Variants in ALG5 observed in about 807,000 individuals in gnomAD.
The protein encoded by ALG5 is dolichyl-phosphate beta-glucosyltransferase.
In ALG5, 26 loss-of-function variants were observed where a neutral mutation model predicts 51.8. The ratio of observed to expected loss-of-function variants is 0.50; its 90% CI spans 0.37 to 0.70. ALG5 has a LOEUF of 0.70. Among genes scored for constraint, ALG5 ranks in the 30% least tolerant of loss-of-function variants. The pLI is 0.00. For synonymous variants in ALG5, 141 were observed against 136.1 expected (o/e 1.04, Z -0.25); for missense variants, 311 against 399.3 (o/e 0.78, Z 1.88).
At chr13:36,993,567 T>C (rs747956559) in intron 4 of ALG5, 37 bp downstream of exon 4, 1 of 1,562,694 alleles carries the variant, frequency 6.4e-7, no homozygotes, top group South Asian at 1.1e-5. Context: ...TTCTCTATTT[T>C]CTAACTATTG....
At chr13:36,974,574 G>A (rs1449592963) in intron 6 of ALG5, among the ~76,000 whole-genome samples, 1 of 151,830 alleles carries the variant, frequency 6.6e-6, no homozygotes, top group African/African-American at 2.4e-5. Flanking sequence ...TCATGTTAAA[G>A]TTTATTGTTT....
At chr13:36,990,155 C>T (rs942743421) in intron 4 of ALG5, among the ~76,000 whole-genome samples, 4 of 152,192 alleles carry the variant, frequency 2.6e-5, no homozygotes, top group Admixed American at 2.0e-4. Flanking sequence ...ATCCTAAAAA[C>T]TTTCCTTTGA....
chr13:36,988,700 A>G (rs2059012502), intron 5 of ALG5, among the ~76,000 whole-genome samples: 1 of 150,766 alleles, frequency 6.6e-6, no homozygotes, highest in African/African-American at 2.5e-5. Context: ...GATGATTTGT[A>G]TCCTGACCAT....
chr13:36,989,531 C>G lies in ALG5; in HGVS notation c.400G>C (p.Val134Leu). The change falls in exon 5 of 10, where the codon GTG becomes CTG. Residue 134 changes from valine to leucine, a missense_variant. By Grantham distance (32) the Val-to-Leu change is conservative. Coordinates refer to ENST00000239891, the MANE Select transcript of ALG5 (RefSeq NM_013338.5). ...CQKYGSDKVRVITLVKNRGKG... is the reference protein window; with the variant it reads ...CQKYGSDKVRLITLVKNRGKG... ...CCACGATTCTTCACCAGGGTTATCA[C>G]ACGTACTTTGTCACTTCCATATTTC... 1 of 1,613,028 alleles carries G rather than the reference C, an allele frequency of 6.2e-7. No individual in the cohort carries two copies. The highest frequency in any genetic ancestry group is 8.5e-7 in the Non-Finnish European group (1 of 1,179,392).
chr13:36,977,788 TCC>T (rs2058959046), intron 6 of ALG5, among the ~76,000 whole-genome samples: 1 of 43,342 alleles, frequency 2.3e-5, no homozygotes, highest in African/African-American at 1.5e-4. Context: ...TGAGACTGTC[TCC>T]AAAAAAAAAA....
chr13:36,999,261 C>G lies in ALG5; in HGVS notation c.40G>C (p.Ala14Pro), dbSNP rs757367488. Residue 14 changes from alanine (A) to proline (P), a missense_variant, in exon 1 of 10, where the codon GCG (alanine) becomes CCG (proline). By Grantham distance (27) the Ala-to-Pro change is conservative (BLOSUM62 -1). Transcript: ENST00000239891. ...AGTACGAGGGCTGCGGCCGCCAGCG[C>G]CGCGCCGAGCACCGCCAGCTGCAAC... ...LLLQLAVLGA[A>P]LAAAALVLIS... 6.3e-7 allele frequency: 1 copy of G among 1,580,974 alleles called. No homozygotes were observed. Among genetic ancestry groups the G allele is most frequent in the Non-Finnish European group, 8.6e-7 (1 of 1,166,564 alleles).
intron 8 of ALG5, among the ~76,000 whole-genome samples, chr13:36,955,720 A>G (rs1180300147): frequency 6.6e-6 from 1 of 150,656 alleles, no homozygotes; most frequent in Admixed American, 6.6e-5. Context: ...AAAGATTAAG[A>G]AACATTTCTC....
intron 3 of ALG5, 35 bp downstream of exon 3, chr13:36,994,954 T>A: frequency 6.3e-7 from 1 of 1,588,282 alleles, no homozygotes; most frequent in South Asian, 1.1e-5. Flanking sequence ...CTAGTTTTAA[T>A]TGGAGATATC....
rs7321129 is a variant in ALG5 at position 36,952,230 on chromosome 13, T to C, written c.859+284A>G. Among the ~76,000 whole-genome samples, 137,870 of 152,308 alleles carry C rather than the reference T, an allele frequency of 0.91. 62,575 individuals carry two copies. Among genetic ancestry groups the C allele is most frequent in the East Asian group, 1 (5,192 of 5,194 alleles). The stretch of plus-strand genomic sequence containing the variant: ...TCTCAAAAGACTATCAACCTTCTAA[T>C]TTCAGATCACCATGACTTTGTCTAT... On this transcript the variant is annotated intron_variant, in intron 9 of 9. Coordinates refer to ENST00000239891, the MANE Select transcript of ALG5 (RefSeq NM_013338.5).
intron 5 of ALG5, among the ~76,000 whole-genome samples, chr13:36,988,064 C>A (rs1281438704): frequency 6.6e-6 from 1 of 152,178 alleles, no homozygotes; most frequent in East Asian, 1.9e-4. Context: ...AGGCTCCCTG[C>A]CCTCCCAACT....
At chr13:36,974,142 A>T (rs2058938946) in intron 6 of ALG5, among the ~76,000 whole-genome samples, 1 of 152,206 alleles carries the variant, frequency 6.6e-6, no homozygotes. Flanking sequence ...AATCTCCAAG[A>T]CACATTGTTA....
Position 36,999,313 on chromosome 13 carries a change from G to C in ALG5, c.-13C>G, listed in dbSNP as rs1593692807. 6.4e-7 allele frequency: 1 copy of C among 1,567,898 alleles called. No homozygotes were observed. The highest frequency in any genetic ancestry group is 8.6e-7 in the Non-Finnish European group (1 of 1,160,280). On this transcript the variant is annotated 5_prime_UTR_variant, in exon 1 of 10. Transcript: ENST00000239891. ...GAAGCGGAGCCATTCTCCATGCCGT[G>C]GCAGCCCGCCCAATCCCGCACCTCC...
chr13:36,971,760 G>A (rs1047791626), intron 7 of ALG5, among the ~76,000 whole-genome samples: 7 of 149,418 alleles, frequency 4.7e-5, no homozygotes, highest in Non-Finnish European at 5.9e-5. Flanking sequence ...AAGGCAAAGC[G>A]AAGTCCACAT....
At chr13:36,963,176 C>A (rs1264968689) in intron 8 of ALG5, among the ~76,000 whole-genome samples, 5 of 152,098 alleles carry the variant, frequency 3.3e-5, no homozygotes, top group Non-Finnish European at 5.9e-5. Flanking sequence ...GTCTTTAACT[C>A]CCGGCCTCAA....
chr13:36,972,702 A>G (rs922025610), intron 6 of ALG5, among the ~76,000 whole-genome samples: 1 of 152,170 alleles, frequency 6.6e-6, no homozygotes, highest in Non-Finnish European at 1.5e-5. Context: ...TTAAAAAGTC[A>G]ATGCTTCTGG....
intron 7 of ALG5, among the ~76,000 whole-genome samples, chr13:36,968,663 T>C (rs1423285692): frequency 6.6e-6 from 1 of 152,266 alleles, no homozygotes; most frequent in East Asian, 1.9e-4. Flanking sequence ...AAGATGTTTC[T>C]GAACATTAGG....
At chr13:36,966,514 C>A (rs1185235418) in intron 7 of ALG5, among the ~76,000 whole-genome samples, 1 of 152,040 alleles carries the variant, frequency 6.6e-6, no homozygotes, top group Non-Finnish European at 1.5e-5. Context: ...AATAAAATAA[C>A]AAAATTTTTT....
chr13:36,984,628 A>C (rs2058994049), intron 6 of ALG5, among the ~76,000 whole-genome samples: 2 of 152,144 alleles, frequency 1.3e-5, no homozygotes, highest in Non-Finnish European at 2.9e-5. Flanking sequence ...GTCATGATTA[A>C]CATGGGCAGC....
intron 6 of ALG5, among the ~76,000 whole-genome samples, chr13:36,976,786 T>C (rs1342324745): frequency 2.6e-5 from 4 of 152,092 alleles, no homozygotes; most frequent in Non-Finnish European, 4.4e-5. Flanking sequence ...TTGCCTACTA[T>C]TTAGTAGTAA....
Sources: allele counts gnomAD v4.1 joint callset (sites outside exome capture counted in the v4.1 genomes callset), GRCh38; gene constraint gnomAD v4.1.1; transcripts MANE v1.5; gene names NCBI Gene and HGNC (gene_info 2026-07-23, HGNC 2026-07-21).